HIP1: variants seen among roughly 807,000 people sequenced by gnomAD.
HIP1 encodes huntingtin-interacting protein 1.
In HIP1, 65 loss-of-function variants were observed where a neutral mutation model predicts 147.6. The ratio of observed to expected loss-of-function variants is 0.44; its 90% CI spans 0.36 to 0.54. The LOEUF is 0.54. Ranked by LOEUF, HIP1 falls within the 20% of genes least tolerant of loss-of-function variation. The pLI is 0.00. For synonymous variants in HIP1, 479 were observed against 504.0 expected (o/e 0.95, Z 0.67); for missense variants, 1,061 against 1,299.6 (o/e 0.82, Z 2.82).
chr7:75,591,699 G>A (rs1465162283), intron 4 of HIP1, among the ~76,000 whole-genome samples: 1 of 144,258 alleles, frequency 6.9e-6, no homozygotes, highest in Non-Finnish European at 1.5e-5. Flanking sequence ...AGCCTGGGCA[G>A]CATAGCAAGA....
In HIP1 at chr7:75,556,784, T is replaced by A. The variant is rs782563237; in HGVS notation, c.1609A>T (p.Ser537Cys). The part of the protein sequence containing the change: ...KTQEQLEVLE[S>C]LKQELATSQR... ...CTTGTGGCAAGTTCCTGCTTCAAGC[T>A]CTCTAGAACTTCCAGCTGTTCTTGA... Residue 537 changes from serine (S) to cysteine (C), a missense_variant, in exon 17 of 31, where the codon AGC (serine) becomes TGC (cysteine). This residue lies in a region of HIP1 where 810 missense variants were observed against 946.8 expected (regional missense o/e 0.86). Coordinates refer to ENST00000336926, the MANE Select transcript of HIP1 (RefSeq NM_005338.7). The A allele has an allele frequency of 9.9e-6, 16 of 1,612,814 alleles. No homozygotes were observed. In the East Asian group the frequency reaches 3.3e-4, roughly 34 times the overall value.
rs1796901097 is a variant in HIP1 at position 75,599,715 on chromosome 7, A to G, written c.121-468T>C. Among the ~76,000 whole-genome samples, 2 of 152,048 alleles carry G rather than the reference A, an allele frequency of 1.3e-5. 1 individual carries two copies. The highest frequency in any genetic ancestry group is 4.1e-4 in the South Asian group (2 of 4,828). On this transcript the variant is annotated intron_variant, in intron 1 of 30. Coordinates refer to ENST00000336926, the MANE Select transcript of HIP1 (RefSeq NM_005338.7). ...CGGCTGGCCAGCACCGGCGGTGGTC[A>G]CTAAGTCTTTGTTTTCCCACACTCT...
chr7:75,620,257 A>G (rs587610690), intron 1 of HIP1, among the ~76,000 whole-genome samples: 1 of 152,058 alleles, frequency 6.6e-6, no homozygotes, highest in African/African-American at 2.4e-5. Flanking sequence ...GTGGTGGTGC[A>G]TGCTTATAGT....
chr7:75,706,494 A>AT (rs1285287876), intron 1 of HIP1, among the ~76,000 whole-genome samples: 4 of 112,904 alleles, frequency 3.5e-5, no homozygotes, highest in African/African-American at 7.0e-5. Flanking sequence ...TTTTTTTTTT[A>AT]TTTTTTTATT....
intron 1 of HIP1, among the ~76,000 whole-genome samples, chr7:75,674,743 G>A (rs978967227): frequency 4.6e-5 from 7 of 151,576 alleles, no homozygotes; most frequent in Admixed American, 3.3e-4. Flanking sequence ...CACATGCCTC[G>A]GCCTCCCAAA....
intron 1 of HIP1, among the ~76,000 whole-genome samples, chr7:75,735,897 A>C (rs1305799480): frequency 6.6e-6 from 1 of 151,844 alleles, no homozygotes; most frequent in Non-Finnish European, 1.5e-5. Flanking sequence ...TATGTTGTCC[A>C]GGCTGGTTCT....
intron 30 of HIP1, 139 bp from the exon 31 acceptor site, chr7:75,538,363 G>A (rs188292913): frequency 2.0e-4 from 146 of 723,846 alleles, no homozygotes; most frequent in Admixed American, 6.9e-4. Context: ...CCCAAGTTTC[G>A]TGTCTAGGAA....
At chr7:75,709,853 T>A (rs113891645) in intron 1 of HIP1, among the ~76,000 whole-genome samples, 5,661 of 152,236 alleles carry the variant, frequency 0.037, 128 homozygotes, top group Non-Finnish European at 0.058. Flanking sequence ...TGAGATAGTT[T>A]CCTCTATTCC....
intron 1 of HIP1, among the ~76,000 whole-genome samples, chr7:75,678,870 T>G (rs1799977628): frequency 6.6e-6 from 1 of 152,170 alleles, no homozygotes; most frequent in South Asian, 2.1e-4. Flanking sequence ...ATTCCAGGCA[T>G]CTACCTAACC....
chr7:75,682,018 CTTTTTTTT>C (rs71098063), intron 1 of HIP1, among the ~76,000 whole-genome samples: 25 of 84,224 alleles, frequency 3.0e-4, no homozygotes, highest in South Asian at 8.8e-4. Flanking sequence ...GCAACAACCT[CTTTTTTTT>C]TTTTTTTTTT....
At chr7:75,567,110 T>TCAAAAA (rs1403061141) in intron 9 of HIP1, among the ~76,000 whole-genome samples, 2 of 149,582 alleles carry the variant, frequency 1.3e-5, no homozygotes, top group Non-Finnish European at 2.9e-5. Flanking sequence ...AGACTCTGTC[T>TCAAAAA]CAAAAACAAA....
At chr7:75,726,161 G>A (rs1554522325) in intron 1 of HIP1, among the ~76,000 whole-genome samples, 1 of 152,076 alleles carries the variant, frequency 6.6e-6, no homozygotes, top group African/African-American at 2.4e-5. Context: ...CATTTCTGTT[G>A]GATATATAAC....
At chr7:75,732,674 C>G (rs1801875286) in intron 1 of HIP1, among the ~76,000 whole-genome samples, 1 of 152,226 alleles carries the variant, frequency 6.6e-6, no homozygotes, top group South Asian at 2.1e-4. Context: ...AGCCACTGCG[C>G]CCGGCTCACC....
chr7:75,632,992 A>C (rs1798285130), intron 1 of HIP1, among the ~76,000 whole-genome samples: 1 of 152,096 alleles, frequency 6.6e-6, no homozygotes, highest in South Asian at 2.1e-4. Context: ...AATAATGCAC[A>C]CTGGGGTCTG....
intron 1 of HIP1, among the ~76,000 whole-genome samples, chr7:75,641,467 T>A (rs1040614033): frequency 7.4e-5 from 11 of 148,766 alleles, no homozygotes; most frequent in African/African-American, 7.5e-5. Flanking sequence ...TTTCTTTTTC[T>A]TTCTTTTTTA....
chr7:75,661,401 C>A (rs56033209), intron 1 of HIP1, among the ~76,000 whole-genome samples: 1 of 151,062 alleles, frequency 6.6e-6, no homozygotes. Context: ...GGTGAAACCC[C>A]GTCTCTACTA....
rs1798562412 is a variant in HIP1 at position 75,639,344 on chromosome 7, G to A, written c.121-40097C>T. ...GGGGAGGCGCGGCCCCGCCGGCAGA[G>A]ACCGGCGCGCCCGAGCCCCCGGGGA... On this transcript the variant is annotated intron_variant, in intron 1 of 30. Coordinates refer to ENST00000336926, the MANE Select transcript of HIP1 (RefSeq NM_005338.7). The A allele has an allele frequency of 1.0e-5, 3 of 292,280 alleles. No homozygotes were observed. The Admixed American group carries it at 2.0e-4, about 19-fold the overall frequency. 18.1% of individuals were successfully genotyped at this position (292,280 alleles called of 1,614,324 possible). A position where few individuals can be genotyped will look rare whatever the true frequency, so the allele number is the denominator to read the frequency against.
chr7:75,687,091 G>A (rs1042069749), intron 1 of HIP1, among the ~76,000 whole-genome samples: 25 of 152,098 alleles, frequency 1.6e-4, no homozygotes, highest in Non-Finnish European at 1.9e-4. Flanking sequence ...GTTCATTAAG[G>A]AGAAAAGAGA....
At chr7:75,555,205 G>GGGGGGGA (rs1794951317) in intron 19 of HIP1, among the ~76,000 whole-genome samples, 4 of 111,308 alleles carry the variant, frequency 3.6e-5, no homozygotes, top group Non-Finnish European at 5.6e-5. Context: ...CGGGGGGGGG[G>GGGGGGGA]AAGAAAATAC....
Sources: allele counts gnomAD v4.1 joint callset (sites outside exome capture counted in the v4.1 genomes callset), GRCh38; gene constraint gnomAD v4.1.1; regional missense constraint gnomAD v4.1.1; transcripts MANE v1.5; gene names NCBI Gene and HGNC (gene_info 2026-07-23, HGNC 2026-07-21).